The following IL1RAPL1 variants were observed in gnomAD, a reference collection of about 807,000 sequenced individuals.
The protein encoded by IL1RAPL1 is interleukin-1 receptor accessory protein-like 1.
Under a neutral mutation model 48.4 loss-of-function variants are expected in IL1RAPL1, and 3 were observed. The observed-to-expected ratio is 0.06, with a 90% CI of 0.03 to 0.16. The LOEUF (loss-of-function observed/expected upper bound fraction) is 0.16, where lower values mean the gene tolerates loss of function less well. Among genes scored for constraint, IL1RAPL1 ranks in the 10% least tolerant of loss-of-function variants. IL1RAPL1 has a pLI of 1.00. For missense variants in IL1RAPL1, 349 were observed against 530.6 expected (o/e 0.66, Z 3.36); for synonymous variants, 185 against 187.7 (o/e 0.99, Z 0.12).
At chrX:29,897,644 C>T (rs528811002) in intron 6 of IL1RAPL1, among the ~76,000 whole-genome samples, 2 of 112,165 alleles carry the variant, frequency 1.8e-5, no homozygotes, top group South Asian at 7.3e-4. Context: ...ACTGATTTAA[C>T]ATTTTCATTT....
At chrX:29,219,661 G>A (rs1930938246) in intron 2 of IL1RAPL1, among the ~76,000 whole-genome samples, 1 of 111,067 alleles carries the variant, frequency 9.0e-6, no homozygotes, top group African/African-American at 3.3e-5. Context: ...TTGCTGCTGG[G>A]GTGGTCTTTC....
At chrX:29,864,262 A>G (rs1569188506) in intron 6 of IL1RAPL1, among the ~76,000 whole-genome samples, 1 of 112,416 alleles carries the variant, frequency 8.9e-6, no homozygotes, top group Non-Finnish European at 1.9e-5. Flanking sequence ...GGAACTTTCA[A>G]TGTTGAACAA....
intron 2 of IL1RAPL1, among the ~76,000 whole-genome samples, chrX:29,034,138 AT>A (rs1412229898): frequency 6.3e-5 from 7 of 111,704 alleles, no homozygotes; most frequent in African/African-American, 1.9e-4. Context: ...AACTTAGTCC[AT>A]TTTCACATTT....
At chrX:29,638,268 C>CTT (rs775877178) in intron 5 of IL1RAPL1, among the ~76,000 whole-genome samples, 20 of 93,354 alleles carry the variant, frequency 2.1e-4, no homozygotes, top group African/African-American at 5.1e-4. Flanking sequence ...CACCAATTAA[C>CTT]TTTTTTTTTT....
chrX:28,742,827 A>T (rs1296719291), intron 1 of IL1RAPL1, among the ~76,000 whole-genome samples: 1 of 111,614 alleles, frequency 9.0e-6, no homozygotes, highest in Non-Finnish European at 1.9e-5. Flanking sequence ...AGACAACTTG[A>T]AGAGTGCAAA....
intron 5 of IL1RAPL1, among the ~76,000 whole-genome samples, chrX:29,570,430 T>A (rs1049244346): frequency 8.9e-6 from 1 of 112,591 alleles, no homozygotes; most frequent in African/African-American, 3.2e-5. Flanking sequence ...CGAAACAGTT[T>A]AATCTCTGCT....
In IL1RAPL1 at chrX:29,193,302, T is replaced by C. The variant is rs547252514; in HGVS notation, c.83-89636T>C. Among the ~76,000 whole-genome samples, 13 of 111,010 alleles carry C rather than the reference T, an allele frequency of 1.2e-4. No individual in the cohort carries two copies. In the South Asian group the frequency reaches 4.1e-3, roughly 35 times the overall value. On this transcript the variant is annotated intron_variant, in intron 2 of 10. Transcript: ENST00000378993. ...TAGTATTTCCTACTAATTTTTTAAA[T>C]TGCTAGTGATTAAATTAAATGTCTT...
At chrX:29,135,401 T>A (rs1256360127) in intron 2 of IL1RAPL1, among the ~76,000 whole-genome samples, 1 of 112,130 alleles carries the variant, frequency 8.9e-6, no homozygotes, top group Non-Finnish European at 1.9e-5. Context: ...TTTTGTTTTG[T>A]ATTAATGCCA....
intron 6 of IL1RAPL1, among the ~76,000 whole-genome samples, chrX:29,900,164 T>C (rs768970852): frequency 1.8e-5 from 2 of 111,600 alleles, no homozygotes; most frequent in African/African-American, 6.5e-5. Context: ...CTAACAAAAA[T>C]CCTTCTAGGC....
chrX:29,630,134 G>A (rs1298267540), intron 5 of IL1RAPL1, among the ~76,000 whole-genome samples: 3 of 111,628 alleles, frequency 2.7e-5, no homozygotes, highest in African/African-American at 6.5e-5. Flanking sequence ...TGGTGAGGAT[G>A]TGCTTCCTCA....
At chrX:28,591,063 A>G (rs189863854) in intron 1 of IL1RAPL1, among the ~76,000 whole-genome samples, 1 of 112,464 alleles carries the variant, frequency 8.9e-6, no homozygotes, top group East Asian at 2.8e-4. Flanking sequence ...AAAGCATTTA[A>G]ACATGATGGC....
chrX:29,522,355 C>T (rs1171740220), intron 5 of IL1RAPL1, among the ~76,000 whole-genome samples: 1 of 110,320 alleles, frequency 9.1e-6, no homozygotes, highest in African/African-American at 3.3e-5. Context: ...GCTACGAGGT[C>T]GCATTATATT....
chrX:28,787,297 A>G (rs1232434873), intron 1 of IL1RAPL1, among the ~76,000 whole-genome samples: 2 of 112,119 alleles, frequency 1.8e-5, no homozygotes, highest in Non-Finnish European at 3.8e-5. Flanking sequence ...AAACTTACAC[A>G]GAGAAGAACT....
chrX:29,833,213 A>G (rs895379900), intron 6 of IL1RAPL1, among the ~76,000 whole-genome samples: 34 of 112,060 alleles, frequency 3.0e-4, no homozygotes, highest in Non-Finnish European at 5.8e-4. Flanking sequence ...GATGACACAT[A>G]TATACACATA....
chrX:29,654,604 GC>G (rs754256454), intron 5 of IL1RAPL1, among the ~76,000 whole-genome samples: 1 of 111,553 alleles, frequency 9.0e-6, no homozygotes, highest in South Asian at 3.8e-4. Flanking sequence ...GGAAAGACCT[GC>G]CCCCATGATT....
intron 3 of IL1RAPL1, among the ~76,000 whole-genome samples, chrX:29,363,939 G>T (rs1933411491): frequency 9.0e-6 from 1 of 111,462 alleles, no homozygotes; most frequent in South Asian, 3.8e-4. Context: ...ACCATACCAG[G>T]AGTGATTTGA....
intron 5 of IL1RAPL1, among the ~76,000 whole-genome samples, chrX:29,506,625 A>C (rs372587060): frequency 9.0e-6 from 1 of 110,599 alleles, no homozygotes; most frequent in Non-Finnish European, 1.9e-5. Flanking sequence ...TTGCAGTACT[A>C]TGGGAAGGCT....
chrX:29,360,223 G>A (rs931429108), intron 3 of IL1RAPL1, among the ~76,000 whole-genome samples: 23 of 111,734 alleles, frequency 2.1e-4, no homozygotes, highest in African/African-American at 7.5e-4. Flanking sequence ...GAGCAAACTG[G>A]GACTTAATGA....
chrX:28,611,491 T>G (rs1934147434), intron 1 of IL1RAPL1, among the ~76,000 whole-genome samples: 1 of 112,451 alleles, frequency 8.9e-6, no homozygotes, highest in Non-Finnish European at 1.9e-5. Context: ...AGTGTAAAAT[T>G]AATAACTGCC....
Sources: allele counts gnomAD v4.1 joint callset (sites outside exome capture counted in the v4.1 genomes callset), GRCh38; gene constraint gnomAD v4.1.1; transcripts MANE v1.5; gene names NCBI Gene and HGNC (gene_info 2026-07-23, HGNC 2026-07-21).